Variants in SRBD1 observed in about 807,000 individuals in gnomAD.
The protein encoded by SRBD1 is S1 RNA-binding domain-containing protein 1.
SRBD1 carries 88 observed loss-of-function variants against 115.3 expected under a neutral mutation model. The observed-to-expected ratio is 0.76, with a 90% CI of 0.64 to 0.91. The LOEUF is 0.91. Among genes scored for constraint, SRBD1 ranks in the 40% least tolerant of loss-of-function variants. The pLI is 0.00. For synonymous variants in SRBD1, 509 were observed against 407.7 expected (o/e 1.25, Z -2.99); for missense variants, 1,385 against 1,177.4 (o/e 1.18, Z -2.58).
chr2:45,463,027 G>A (rs1199240480), intron 16 of SRBD1, among the ~76,000 whole-genome samples: 1 of 143,658 alleles, frequency 7.0e-6, no homozygotes, highest in Non-Finnish European at 1.5e-5. Flanking sequence ...CGGGGGGGGG[G>A]GGGGAAATCT....
chr2:45,469,187 T>C (rs1669577639), intron 16 of SRBD1, among the ~76,000 whole-genome samples: 1 of 152,218 alleles, frequency 6.6e-6, no homozygotes, highest in African/African-American at 2.4e-5. Flanking sequence ...GACTGAGAGA[T>C]GTTTTAGATT....
intron 18 of SRBD1, 42 bp from the exon 19 acceptor site, chr2:45,413,335 G>A (rs1395751967): frequency 1.3e-6 from 2 of 1,576,434 alleles, no homozygotes; most frequent in Admixed American, 1.9e-5. Flanking sequence ...AAAAGGGGAA[G>A]GTTGGGCAGA....
intron 14 of SRBD1, among the ~76,000 whole-genome samples, chr2:45,507,358 T>C (rs542902435): frequency 6.6e-6 from 1 of 152,258 alleles, no homozygotes; most frequent in African/African-American, 2.4e-5. Flanking sequence ...TCAACCTCTT[T>C]GATTAAGCCA....
chr2:45,489,082 A>T (rs932413420), intron 14 of SRBD1, among the ~76,000 whole-genome samples: 2 of 152,176 alleles, frequency 1.3e-5, no homozygotes, highest in Admixed American at 6.5e-5. Context: ...ACTGTCTTAC[A>T]GCTGACATTT....
intron 14 of SRBD1, among the ~76,000 whole-genome samples, chr2:45,516,079 G>A (rs993991096): frequency 2.0e-5 from 3 of 152,054 alleles, no homozygotes; most frequent in African/African-American, 7.2e-5. Context: ...GAAAGAAAAG[G>A]ATAGATCTAA....
chr2:45,602,078 G>GAT lies in SRBD1; in HGVS notation c.84_85dup (p.Ser29TyrfsTer40). ...TTCCTTGTCATCTTCTTCAGAGGCA[G>GAT]ATGATCTAGAAGTAAATCAACAGAA... On this transcript the variant is annotated frameshift_variant, in exon 3 of 21. Coordinates refer to ENST00000263736, the MANE Select transcript of SRBD1 (RefSeq NM_018079.5). LOFTEE classifies it high-confidence loss of function. The GAT allele has an allele frequency of 6.2e-7, 1 of 1,613,096 alleles. No individual in the cohort carries two copies. Among genetic ancestry groups the GAT allele is most frequent in the Non-Finnish European group, 8.5e-7 (1 of 1,179,604 alleles).
chr2:45,500,154 C>T (rs772871970), intron 14 of SRBD1, among the ~76,000 whole-genome samples: 19 of 151,884 alleles, frequency 1.3e-4, no homozygotes, highest in Non-Finnish European at 2.1e-4. Flanking sequence ...AACTTTCCAT[C>T]CTCTTTAATT....
chr2:45,490,386 C>T (rs113471086), intron 14 of SRBD1, among the ~76,000 whole-genome samples: 3,934 of 152,094 alleles, frequency 0.026, 172 homozygotes, highest in African/African-American at 0.09. Context: ...TACTTAAATT[C>T]GTGACCCCCA....
chr2:45,552,726 A>C (rs1672341677), intron 11 of SRBD1, among the ~76,000 whole-genome samples: 1 of 152,210 alleles, frequency 6.6e-6, no homozygotes. Flanking sequence ...TTTTTAGGCT[A>C]CATCTAGGCT....
intron 14 of SRBD1, among the ~76,000 whole-genome samples, chr2:45,512,634 T>C (rs1366045044): frequency 5.3e-5 from 8 of 152,174 alleles, no homozygotes; most frequent in African/African-American, 1.9e-4. Flanking sequence ...GGAGGATTCA[T>C]GAAAATCTTA....
intron 16 of SRBD1, among the ~76,000 whole-genome samples, chr2:45,451,166 ATTGT>A (rs559963915): frequency 4.1e-4 from 62 of 152,180 alleles, no homozygotes; most frequent in African/African-American, 1.3e-3. Context: ...TTAATATGAA[ATTGT>A]TTGTTTCTCA....
chr2:45,509,035 T>C (rs1166904904), intron 14 of SRBD1, among the ~76,000 whole-genome samples: 1 of 152,066 alleles, frequency 6.6e-6, no homozygotes, highest in African/African-American at 2.4e-5. Context: ...GTACACAAAT[T>C]GACATGACCA....
chr2:45,478,152 T>A (rs181447888), intron 15 of SRBD1, among the ~76,000 whole-genome samples: 2 of 152,280 alleles, frequency 1.3e-5, no homozygotes, highest in Admixed American at 1.3e-4. Flanking sequence ...TCAAAACACA[T>A]GGAAGCTAAT....
chr2:45,488,274 C>T lies in SRBD1; in HGVS notation c.1932G>A (p.Glu644=). 1 of 1,614,058 alleles carries T rather than the reference C, an allele frequency of 6.2e-7. No individual in the cohort carries two copies. ...IYSVSPEANK[E]MPGLDPNLRS... is the part of the protein sequence containing the mutation. ...TCAAATTAGGGTCCAGCCCTGGCAT[C>T]TCTTTGTTAGCTTCAGGGCTGACAC... is the stretch of plus-strand genomic sequence containing the variant. Residue 644 remains glutamate (E), a synonymous_variant, in exon 15 of 21, where the codon GAG becomes GAA. Transcript: ENST00000263736.
chr2:45,473,956 G>C (rs147144806), intron 16 of SRBD1, among the ~76,000 whole-genome samples: 152 of 152,196 alleles, frequency 1.0e-3, no homozygotes, highest in African/African-American at 3.4e-3. Context: ...GTGACTTTTT[G>C]TTCATGCTTT....
At chr2:45,488,506 CAGT>C (rs1670189413) in intron 14 of SRBD1, among the ~76,000 whole-genome samples, 175 bp from the exon 15 acceptor site, 1 of 151,906 alleles carries the variant, frequency 6.6e-6, no homozygotes, top group Non-Finnish European at 1.5e-5. Context: ...AATGATTATG[CAGT>C]GTTTGTTTTT....
intron 16 of SRBD1, among the ~76,000 whole-genome samples, chr2:45,430,642 C>A (rs1009627938): frequency 6.6e-6 from 1 of 152,126 alleles, no homozygotes; most frequent in Non-Finnish European, 1.5e-5. Context: ...CAAAAATTAA[C>A]TCAAGATGGA....
At chr2:45,504,033 G>A (rs1354975434) in intron 14 of SRBD1, among the ~76,000 whole-genome samples, 1 of 151,982 alleles carries the variant, frequency 6.6e-6, no homozygotes, top group Non-Finnish European at 1.5e-5. Context: ...GAACTACCAA[G>A]TTTTTACTAT....
chr2:45,587,178 TA>T (rs1273248160), intron 4 of SRBD1, among the ~76,000 whole-genome samples: 1 of 145,472 alleles, frequency 6.9e-6, no homozygotes, highest in Non-Finnish European at 1.5e-5. Context: ...AATATTAAAA[TA>T]TTTAAAAATT....
Sources: allele counts gnomAD v4.1 joint callset (sites outside exome capture counted in the v4.1 genomes callset), GRCh38; gene constraint gnomAD v4.1.1; transcripts MANE v1.5; gene names NCBI Gene and HGNC (gene_info 2026-07-23, HGNC 2026-07-21).